Variants in ELAVL2 observed in about 807,000 individuals in gnomAD.
ELAVL2 encodes the protein ELAV like RNA binding protein 2.
Under a neutral mutation model 34.6 loss-of-function variants are expected in ELAVL2, and 4 were observed. The observed-to-expected ratio is 0.12, with a 90% CI of 0.06 to 0.26. The LOEUF is 0.26. Ranked by LOEUF, ELAVL2 falls within the 10% of genes least tolerant of loss-of-function variation. ELAVL2 has a pLI of 1.00. For missense variants in ELAVL2, 432 were observed against 442.8 expected, an observed-to-expected ratio of 0.98 and a Z score of 0.22; for synonymous variants, 193 against 154.8, an observed-to-expected ratio of 1.25 and a Z score of -1.83.
At chr9:23,820,842 G>C (rs1310461447) in intron 1 of ELAVL2, among the ~76,000 whole-genome samples, 1 of 152,232 alleles carries the variant, frequency 6.6e-6, no homozygotes, top group Non-Finnish European at 1.5e-5. Context: ...TCGCCCGGCA[G>C]AGCGCCCGCG....
At chr9:23,781,528 T>A (rs1326606509) in intron 1 of ELAVL2, among the ~76,000 whole-genome samples, 2 of 151,082 alleles carry the variant, frequency 1.3e-5, no homozygotes, top group African/African-American at 4.9e-5. Flanking sequence ...CTTTTTTTTT[T>A]TTTTTTGAAG....
At chr9:23,767,460 G>A (rs1049985123) in intron 1 of ELAVL2, among the ~76,000 whole-genome samples, 2 of 152,116 alleles carry the variant, frequency 1.3e-5, no homozygotes, top group Non-Finnish European at 2.9e-5. Flanking sequence ...CTTGCAGACA[G>A]CCACTAAACC....
chr9:23,804,261 C>A (rs934498514), intron 1 of ELAVL2, among the ~76,000 whole-genome samples: 16 of 151,710 alleles, frequency 1.1e-4, no homozygotes, highest in African/African-American at 3.6e-4. Flanking sequence ...GCAACCTCCA[C>A]CTCCTGGGTT....
intron 1 of ELAVL2, among the ~76,000 whole-genome samples, chr9:23,796,840 A>G (rs572361627): frequency 2.1e-4 from 32 of 152,356 alleles, no homozygotes; most frequent in Non-Finnish European, 4.1e-4. Flanking sequence ...TACTGATTCA[A>G]TATCAGTCAT....
upstream of ELAVL2, among the ~76,000 whole-genome samples, chr9:23,826,734 T>A (rs1223104188): frequency 6.6e-6 from 1 of 152,192 alleles, no homozygotes; most frequent in Non-Finnish European, 1.5e-5. Context: ...TTTATAACAT[T>A]TAACTCTGTC....
chr9:23,720,581 C>T (rs997633759), intron 3 of ELAVL2, among the ~76,000 whole-genome samples: 3 of 152,166 alleles, frequency 2.0e-5, no homozygotes, highest in Non-Finnish European at 2.9e-5. Flanking sequence ...TATTTAATGA[C>T]ACACAAATGC....
chr9:23,778,653 T>C (rs746007552), intron 1 of ELAVL2, among the ~76,000 whole-genome samples: 4 of 152,150 alleles, frequency 2.6e-5, no homozygotes, highest in Admixed American at 6.6e-5. Context: ...TATGCTTTTC[T>C]ACCATGATGG....
chr9:23,816,608 G>A (rs540843377), intron 1 of ELAVL2, among the ~76,000 whole-genome samples: 2 of 151,112 alleles, frequency 1.3e-5, no homozygotes, highest in African/African-American at 2.4e-5. Context: ...TCAAACTTAC[G>A]ATTTTTCAAC....
chr9:23,792,376 C>A (rs933075129), intron 1 of ELAVL2, among the ~76,000 whole-genome samples: 8 of 152,186 alleles, frequency 5.3e-5, no homozygotes, highest in Non-Finnish European at 8.8e-5. Flanking sequence ...CATGCCCCCT[C>A]GCTTTTGAAT....
At chr9:23,842,854 T>G in the ELAVL2 span, among the ~76,000 whole-genome samples, 2 of 152,240 alleles carry the variant, frequency 1.3e-5, no homozygotes, top group Admixed American at 6.5e-5. Context: ...AATGAAAACA[T>G]TCCCCCTACT....
chr9:23,791,785 A>C (rs1588552691), intron 1 of ELAVL2, among the ~76,000 whole-genome samples: 1 of 152,040 alleles, frequency 6.6e-6, no homozygotes, highest in South Asian at 2.1e-4. Flanking sequence ...CACTACCAAA[A>C]CCTTGATCTT....
At chr9:23,737,241 C>T (rs79409113) in intron 2 of ELAVL2, among the ~76,000 whole-genome samples, 1,981 of 152,302 alleles carry the variant, frequency 0.013, 41 homozygotes, top group African/African-American at 0.041. Context: ...GCAGCAGCAT[C>T]TGCCTTCCAG....
intron 2 of ELAVL2, among the ~76,000 whole-genome samples, chr9:23,748,944 C>T (rs1381645664): frequency 6.6e-6 from 1 of 151,860 alleles, no homozygotes; most frequent in African/African-American, 2.4e-5. Context: ...CATAGAGACA[C>T]AGAAAATATA....
At chr9:23,799,400 A>T (rs2061330161) in intron 1 of ELAVL2, among the ~76,000 whole-genome samples, 1 of 152,158 alleles carries the variant, frequency 6.6e-6, no homozygotes, top group African/African-American at 2.4e-5. Flanking sequence ...TATTTTCCTA[A>T]GGCACTCAGG....
At chr9:23,840,872 T>C in the ELAVL2 span, among the ~76,000 whole-genome samples, 1 of 152,156 alleles carries the variant, frequency 6.6e-6, no homozygotes, top group African/African-American at 2.4e-5. Context: ...CTACTTCAAG[T>C]ATGCACTCTC....
At chr9:23,820,390 C>A (rs1370497344) in intron 1 of ELAVL2, among the ~76,000 whole-genome samples, 2 of 152,094 alleles carry the variant, frequency 1.3e-5, no homozygotes, top group Non-Finnish European at 2.9e-5. Flanking sequence ...CTTCTAAGAA[C>A]CGTTCTTTGA....
chr9:23,721,497 A>G (rs1319797571), intron 3 of ELAVL2, among the ~76,000 whole-genome samples: 1 of 152,204 alleles, frequency 6.6e-6, no homozygotes, highest in Non-Finnish European at 1.5e-5. Flanking sequence ...AGAAACCAAG[A>G]ACAGAACACA....
intron 2 of ELAVL2, among the ~76,000 whole-genome samples, chr9:23,751,985 A>G (rs1025438857): frequency 4.6e-5 from 7 of 152,198 alleles, no homozygotes; most frequent in African/African-American, 1.4e-4. Context: ...CAAATCACCT[A>G]GAAAGCAAAG....
chr9:23,704,537 T>C (rs940633951), intron 4 of ELAVL2, among the ~76,000 whole-genome samples: 3 of 152,210 alleles, frequency 2.0e-5, no homozygotes, highest in Middle Eastern at 3.4e-3. Flanking sequence ...CTTGGAGAAC[T>C]AGCTGCATAC....
Sources: allele counts gnomAD v4.1 joint callset (sites outside exome capture counted in the v4.1 genomes callset), GRCh38; gene constraint gnomAD v4.1.1; transcripts MANE v1.5; gene names NCBI Gene and HGNC (gene_info 2026-07-23, HGNC 2026-07-21).